STRADA: variants seen among roughly 807,000 people sequenced by gnomAD.
STRADA encodes STE20-related kinase adapter protein alpha.
A neutral mutation model predicts 55.0 loss-of-function variants in STRADA; 26 were observed. The ratio of observed to expected loss-of-function variants is 0.47; its 90% CI spans 0.35 to 0.66. The LOEUF is 0.66. Ranked by LOEUF, STRADA falls within the 30% of genes least tolerant of loss-of-function variation. The pLI is 0.01. For missense variants in STRADA, 443 were observed against 549.7 expected (o/e 0.81, Z 1.94); for synonymous variants, 197 against 210.9 (o/e 0.93, Z 0.57).
In STRADA at chr17:63,707,967, G is replaced by A. The variant is rs373869366; in HGVS notation, c.582-549C>T. 2.3e-4 allele frequency among the ~76,000 whole-genome samples: 35 copies of A among 151,216 alleles called. 5 individuals carry two copies. Among genetic ancestry groups the A allele is most frequent in the East Asian group, 1.4e-3 (7 of 5,104 alleles). ...TTAGCCAGGATGGTCTCGATCTCCC[G>A]ACCTCGTGATCCACCCGTCTCAGCC... is the stretch of plus-strand genomic sequence containing the variant. On this transcript the variant is annotated intron_variant, in intron 8 of 12. Coordinates refer to ENST00000336174, the MANE Select transcript of STRADA (RefSeq NM_001003787.4).
intron 1 of STRADA, among the ~76,000 whole-genome samples, chr17:63,734,335 T>A (rs2038269407): frequency 6.6e-6 from 1 of 152,212 alleles, no homozygotes; most frequent in African/African-American, 2.4e-5. Flanking sequence ...AGAGGAAATG[T>A]CATTCTGGAT....
rs567379725 is a variant in STRADA, at chr17:63,713,396, G to A, written c.348+10C>T. On this transcript the variant is annotated intron_variant, in intron 6 of 12. Coordinates refer to ENST00000336174, the MANE Select transcript of STRADA (RefSeq NM_001003787.4). ...CCCTCCCTCCATGTGACACACTCAT[G>A]GTTTATTACCTGCAAGAATGTTACC... The A allele has an allele frequency of 1.4e-5, 23 of 1,612,794 alleles. No individual in the cohort carries two copies. In the East Asian group the frequency reaches 4.7e-4, roughly 33 times the overall value.
At chr17:63,730,725 A>C (rs745669517) in intron 1 of STRADA, among the ~76,000 whole-genome samples, 2 of 151,462 alleles carry the variant, frequency 1.3e-5, no homozygotes, top group Non-Finnish European at 2.9e-5. Flanking sequence ...CACCTGGCTA[A>C]TTTTTTTGTA....
chr17:63,730,637 A>G (rs2037973740), intron 1 of STRADA, among the ~76,000 whole-genome samples: 1 of 151,526 alleles, frequency 6.6e-6, no homozygotes. Context: ...GCTCACTGCA[A>G]CCTCTGCCTC....
intron 6 of STRADA, 194 bp from the exon 7 acceptor site, chr17:63,711,030 G>T: frequency 1.7e-6 from 1 of 575,678 alleles, no homozygotes; most frequent in Non-Finnish European, 3.1e-6. Flanking sequence ...ACCCAGCACT[G>T]CTTTGCCTCT....
At chr17:63,740,147 T>TACACATACATATACACACACACAC in intron 1 of STRADA, among the ~76,000 whole-genome samples, 2 of 67,006 alleles carry the variant, frequency 3.0e-5, no homozygotes, top group African/African-American at 1.4e-4. Context: ...TATATATATA[T>TACACATACATATACACACACACAC]ACACACACAC....
Position 63,704,642 on chromosome 17 carries a change from G to T in STRADA, c.859-60C>A, listed in dbSNP as rs140928028. ...GGGTGGGGGGGGGGGGTGGTCCCTGGAAGGCCTGAGAGTCTCTTCACAAAT... is the reference window on the plus strand; with the variant it reads ...GGGTGGGGGGGGGGGGTGGTCCCTGTAAGGCCTGAGAGTCTCTTCACAAAT... On this transcript the variant is annotated intron_variant, in intron 10 of 12. Coordinates refer to ENST00000336174, the MANE Select transcript of STRADA (RefSeq NM_001003787.4). 13,308 of 1,516,090 alleles carry T rather than the reference G, an allele frequency of 8.8e-3. 91 individuals carry two copies. Among genetic ancestry groups the T allele is most frequent in the Non-Finnish European group, 0.011 (12,089 of 1,138,704 alleles). The allele number at this position is 1,516,090 out of a possible 1,614,324, so 93.9% of individuals were successfully genotyped here.
chr17:63,726,716 G>A (rs765111804), intron 2 of STRADA, 21 bp from the exon 3 acceptor site: 1 of 1,613,304 alleles, frequency 6.2e-7, no homozygotes, highest in East Asian at 2.2e-5. Context: ...AAACCCCAAA[G>A]AGAATTAGTA....
intron 4 of STRADA, among the ~76,000 whole-genome samples, chr17:63,717,410 C>T (rs1451728704): frequency 6.6e-6 from 1 of 152,042 alleles, no homozygotes; most frequent in African/African-American, 2.4e-5. Context: ...TGGGTTTAAA[C>T]GATTCTCCTG....
In STRADA at chr17:63,703,653, G is replaced by T. The variant is rs774261799; in HGVS notation, c.1242C>A (p.Ile414=). ...EGSQSQDHSG[I]FGLVTNLEEL... ...CTTCCAGGTTTGTTACCAGGCCAAA[G>T]ATTCCACTGTGGTCCTGAGACTGGC... is the stretch of plus-strand genomic sequence containing the variant. Residue 414 remains isoleucine (I), a synonymous_variant, in exon 13 of 13, where the codon ATC becomes ATA. Coordinates refer to ENST00000336174, the MANE Select transcript of STRADA (RefSeq NM_001003787.4). 32 of 1,614,114 alleles carry T rather than the reference G, an allele frequency of 2.0e-5. No homozygotes were observed. In the South Asian group the frequency reaches 3.0e-4, roughly 15 times the overall value.
chr17:63,731,000 C>T (rs2038002594), intron 1 of STRADA, among the ~76,000 whole-genome samples: 1 of 151,734 alleles, frequency 6.6e-6, no homozygotes, highest in South Asian at 2.1e-4. Context: ...GGCTGGAGTG[C>T]AGCGGTGATC....
At chr17:63,715,736 C>T (rs562324427) in intron 4 of STRADA, among the ~76,000 whole-genome samples, 2 of 152,276 alleles carry the variant, frequency 1.3e-5, no homozygotes, top group Admixed American at 1.3e-4. Context: ...AAAATTAAGC[C>T]CTGTCACCAA....
chr17:63,711,261 C>G (rs752828207), intron 6 of STRADA, among the ~76,000 whole-genome samples: 1 of 152,226 alleles, frequency 6.6e-6, no homozygotes, highest in Non-Finnish European at 1.5e-5. Context: ...TCTCAAACTC[C>G]TGGGCTCAAG....
chr17:63,706,220 T>A (rs2036079905), intron 10 of STRADA: 1 of 157,536 alleles, frequency 6.3e-6, no homozygotes, highest in African/African-American at 2.4e-5. Context: ...ACTTACAGAA[T>A]GGGGGTTCCA....
At chr17:63,710,318 G>A (rs568646239) in intron 8 of STRADA, 173 bp downstream of exon 8, 7 of 1,106,684 alleles carry the variant, frequency 6.3e-6, no homozygotes, top group Admixed American at 2.7e-5. Context: ...TTACAGGCGT[G>A]AGCCATCGCG....
intron 10 of STRADA, chr17:63,705,021 G>T: frequency 9.3e-7 from 1 of 1,075,312 alleles, no homozygotes. Flanking sequence ...AGCCTGGGCT[G>T]TCGCTGCAGC....
chr17:63,713,990 C>A lies in STRADA; in HGVS notation c.226+16G>T. The A allele has an allele frequency of 6.2e-7, 1 of 1,603,186 alleles. No individual in the cohort carries two copies. Among genetic ancestry groups the A allele is most frequent in the Non-Finnish European group, 8.5e-7 (1 of 1,170,182 alleles). ...GGAGCAGAAAGCAGGAGAGTAAGGA[C>A]GGCCCCTGCACATACCTATCACAGT... On this transcript the variant is annotated intron_variant, in intron 5 of 12. Transcript: ENST00000336174.
At chr17:63,710,039 T>TG (rs1409268451) in intron 8 of STRADA, among the ~76,000 whole-genome samples, 1 of 151,072 alleles carries the variant, frequency 6.6e-6, no homozygotes, top group East Asian at 1.9e-4. Flanking sequence ...TCTCTTTTTT[T>TG]TTTTTTTTTT....
rs1050270578 is a variant in STRADA, at chr17:63,703,517, C to T, written c.*82G>A. On this transcript the variant is annotated 3_prime_UTR_variant, in exon 13 of 13. Coordinates refer to ENST00000336174, the MANE Select transcript of STRADA (RefSeq NM_001003787.4). Reference sequence around the variant, plus strand: ...TTTCTACCCAATCTGCCCAGGAGGGCGGGAATGTGGCCGGCCCTCAGGAAG... The same window carrying T: ...TTTCTACCCAATCTGCCCAGGAGGGTGGGAATGTGGCCGGCCCTCAGGAAG... The T allele has an allele frequency of 2.8e-5, 37 of 1,344,808 alleles. No homozygotes were observed. In the Admixed American group the frequency reaches 5.4e-4, roughly 20 times the overall value. 83.3% of individuals were successfully genotyped at this position (1,344,808 alleles called of 1,614,324 possible). A position where few individuals can be genotyped will look rare whatever the true frequency, so the allele number is the denominator to read the frequency against.
Sources: gnomAD v4.1 joint callset for allele counts (sites outside exome capture counted in the v4.1 genomes callset) on GRCh38, gnomAD v4.1.1 for gene constraint, MANE v1.5 for transcripts, NCBI Gene and HGNC (gene_info 2026-07-23, HGNC 2026-07-21) for gene names.